The following CORIN variants were observed in gnomAD, a reference collection of about 807,000 sequenced individuals.
CORIN encodes the protein atrial natriuretic peptide-converting enzyme.
Under a neutral mutation model 125.3 loss-of-function variants are expected in CORIN, and 117 were observed. The observed-to-expected ratio is 0.93, with a 90% CI of 0.80 to 1.09. CORIN has a LOEUF of 1.09. Among genes scored for constraint, CORIN ranks in the 50% least tolerant of loss-of-function variants. The probability of loss-of-function intolerance (pLI) is 0.00; values close to 1 mark genes in which losing one functional copy is unlikely to be tolerated. For missense variants in CORIN, 1,253 were observed against 1,306.7 expected (o/e 0.96, Z 0.63); for synonymous variants, 450 against 466.4 (o/e 0.96, Z 0.45).
intron 9 of CORIN, among the ~76,000 whole-genome samples, chr4:47,675,906 G>C (rs1385631180): frequency 6.6e-6 from 1 of 152,126 alleles, no homozygotes; most frequent in Non-Finnish European, 1.5e-5. Flanking sequence ...AAGCCAATGA[G>C]ACCAGTATGG....
rs1201590296 is a variant in CORIN, at chr4:47,665,223, C to T, written c.1398G>A (p.Leu466=). Residue 466 remains leucine (L), a synonymous_variant, in exon 11 of 22, where the codon TTG becomes TTA. Transcript: ENST00000273857. ...EPITLELCMN[L]PYNSTSYPNY... ...TTGGATAACTTGTACTGTTGTAGGG[C>T]AAATTCATGCAGAGTTCCAATGTAA... 2 of 1,613,774 alleles carry T rather than the reference C, an allele frequency of 1.2e-6. No individual in the cohort carries two copies. Among genetic ancestry groups the T allele is most frequent in the African/African-American group, 1.3e-5 (1 of 74,870 alleles).
chr4:47,688,475 G>A (rs889728132), intron 6 of CORIN, among the ~76,000 whole-genome samples: 1 of 152,066 alleles, frequency 6.6e-6, no homozygotes, highest in African/African-American at 2.4e-5. Context: ...GGTGGCTCAC[G>A]CCTGTAGTTC....
At chr4:47,767,428 G>A (rs1162980186) in intron 3 of CORIN, among the ~76,000 whole-genome samples, 1 of 152,002 alleles carries the variant, frequency 6.6e-6, no homozygotes, top group Non-Finnish European at 1.5e-5. Context: ...AACTGAGAAA[G>A]CTGGTATGGC....
At chr4:47,672,726 G>A (rs1429690013) in intron 10 of CORIN, among the ~76,000 whole-genome samples, 1 of 152,000 alleles carries the variant, frequency 6.6e-6, no homozygotes, top group Non-Finnish European at 1.5e-5. Context: ...TTTAGAGGAA[G>A]TAAAATGGCA....
At chr4:47,797,585 C>G (rs983026795) in intron 2 of CORIN, among the ~76,000 whole-genome samples, 5 of 152,004 alleles carry the variant, frequency 3.3e-5, no homozygotes, top group Admixed American at 6.6e-5. Context: ...ACTATGACAA[C>G]AGGTCATAGC....
chr4:47,660,216 T>C (rs1420667883), intron 12 of CORIN, among the ~76,000 whole-genome samples: 3 of 152,190 alleles, frequency 2.0e-5, no homozygotes, highest in Non-Finnish European at 1.5e-5. Flanking sequence ...AACCTATGAC[T>C]TCAAACTATG....
chr4:47,613,460 G>GA (rs1721946126), intron 19 of CORIN, among the ~76,000 whole-genome samples: 1 of 151,206 alleles, frequency 6.6e-6, no homozygotes, highest in African/African-American at 2.4e-5. Flanking sequence ...CTCAAAAAAA[G>GA]AAAAAAAACT....
chr4:47,609,508 G>A (rs1027604602), intron 19 of CORIN, among the ~76,000 whole-genome samples: 12 of 152,108 alleles, frequency 7.9e-5, no homozygotes, highest in Admixed American at 5.2e-4. Context: ...CCAAAGTGCT[G>A]GGATTATAGG....
At chr4:47,773,223 A>G (rs952001350) in intron 3 of CORIN, among the ~76,000 whole-genome samples, 1 of 152,232 alleles carries the variant, frequency 6.6e-6, no homozygotes, top group Non-Finnish European at 1.5e-5. Flanking sequence ...AATAAATTCT[A>G]TAATGATGAG....
chr4:47,759,455 C>A (rs1032797380), intron 4 of CORIN, among the ~76,000 whole-genome samples: 5 of 152,014 alleles, frequency 3.3e-5, no homozygotes, highest in Admixed American at 6.6e-5. Context: ...TATTTGCAAG[C>A]TATACATCTA....
At chr4:47,623,783 C>A (rs868081324) in intron 18 of CORIN, 38 bp from the exon 19 acceptor site, 24 of 1,601,108 alleles carry the variant, frequency 1.5e-5, no homozygotes, top group Middle Eastern at 3.3e-4. Context: ...TGAGTTGATG[C>A]CAAACCTTGC....
At chr4:47,717,710 G>A (rs1259057773) in intron 5 of CORIN, among the ~76,000 whole-genome samples, 1 of 152,148 alleles carries the variant, frequency 6.6e-6, no homozygotes, top group Non-Finnish European at 1.5e-5. Flanking sequence ...AGTCTTTCAT[G>A]TTCAATCTGT....
At chr4:47,798,896 T>C (rs1411389152) in intron 2 of CORIN, among the ~76,000 whole-genome samples, 1 of 149,884 alleles carries the variant, frequency 6.7e-6, no homozygotes, top group Non-Finnish European at 1.5e-5. Context: ...GAGACTCTAG[T>C]AGTAGACTCT....
intron 2 of CORIN, among the ~76,000 whole-genome samples, chr4:47,789,458 T>G (rs562006504): frequency 6.6e-6 from 1 of 152,252 alleles, no homozygotes; most frequent in Non-Finnish European, 1.5e-5. Flanking sequence ...GCTTTATGTA[T>G]TGAAAGCAAT....
chr4:47,603,488 G>A lies in CORIN; in HGVS notation c.2721C>T (p.Tyr907=), dbSNP rs61759670. 33,640 of 1,614,098 alleles carry A rather than the reference G, an allele frequency of 0.021. 729 individuals carry two copies. Among genetic ancestry groups the A allele is most frequent in the Middle Eastern group, 0.083 (506 of 6,062 alleles). ...ELSEDISETG[Y]VRPVCLPNPE... ...GGTTGGGCAAGCAGACAGGCCGGAC[G>A]TAGCCAGTCTCACTGATGTCTTCAC... Residue 907 remains tyrosine (Y), a synonymous_variant, in exon 20 of 22, where the codon TAC becomes TAT. Transcript: ENST00000273857.
Position 47,779,499 on chromosome 4 carries a change from C to T in CORIN, c.409+7226G>A, listed in dbSNP as rs957276089. The stretch of plus-strand genomic sequence containing the variant: ...TCACCCAGGCTGGAGTGAAGTGGTG[C>T]GATCTCGGCTCACTGCAACCTCCGC... On this transcript the variant is annotated intron_variant, in intron 3 of 21. Coordinates refer to ENST00000273857, the MANE Select transcript of CORIN (RefSeq NM_006587.4). 6.7e-5 allele frequency among the ~76,000 whole-genome samples: 10 copies of T among 149,684 alleles called. No homozygotes were observed. The Admixed American group carries it at 6.7e-4, about 10-fold the overall frequency.
At chr4:47,705,160 CT>C (rs34899895) in intron 5 of CORIN, among the ~76,000 whole-genome samples, 11 of 152,290 alleles carry the variant, frequency 7.2e-5, no homozygotes, top group African/African-American at 1.2e-4. Flanking sequence ...ATTTCTACTG[CT>C]TTTTTTCCCC....
At chr4:47,623,816 CACTT>C in intron 18 of CORIN, 71 bp from the exon 19 acceptor site, 1 of 1,608,282 alleles carries the variant, frequency 6.2e-7, no homozygotes, top group Non-Finnish European at 8.5e-7. Flanking sequence ...TCTTTGCTGT[CACTT>C]ACAAGCGATC....
intron 2 of CORIN, among the ~76,000 whole-genome samples, chr4:47,795,841 A>G (rs1332517518): frequency 1.3e-5 from 2 of 152,128 alleles, no homozygotes; most frequent in Admixed American, 1.3e-4. Context: ...ACGCAGAGCC[A>G]GTAGCCAGTA....
Sources: gnomAD v4.1 joint callset for allele counts (sites outside exome capture counted in the v4.1 genomes callset) on GRCh38, gnomAD v4.1.1 for gene constraint, MANE v1.5 for transcripts, NCBI Gene and HGNC (gene_info 2026-07-23, HGNC 2026-07-21) for gene names.